LDHA: variants seen among roughly 807,000 people sequenced by gnomAD.
The protein encoded by LDHA is lactate dehydrogenase A.
LDHA carries 10 observed loss-of-function variants against 36.3 expected under a neutral mutation model. The ratio of observed to expected loss-of-function variants is 0.28; its 90% CI spans 0.17 to 0.47. The LOEUF is 0.47. Among genes scored for constraint, LDHA ranks in the 20% least tolerant of loss-of-function variants. LDHA has a pLI of 0.99. For synonymous variants in LDHA, 110 were observed against 136.7 expected (o/e 0.80, Z 1.36); for missense variants, 267 against 405.8 (o/e 0.66, Z 2.94).
At chr11:18,405,155 A>G (rs546578577) in intron 6 of LDHA, among the ~76,000 whole-genome samples, 9 of 152,232 alleles carry the variant, frequency 5.9e-5, no homozygotes, top group African/African-American at 2.2e-4. Context: ...AAGTAGCTAT[A>G]GTTTATTTTT....
intron 5 of LDHA, 136 bp downstream of exon 5, chr11:18,403,149 A>G (rs910263971): frequency 1.6e-5 from 12 of 736,864 alleles, no homozygotes; most frequent in Admixed American, 5.3e-5. Context: ...AGCATTTTGT[A>G]TAATTATATG....
chr11:18,402,751 C>A (rs932846988), intron 4 of LDHA, 89 bp from the exon 5 acceptor site: 3 of 981,854 alleles, frequency 3.1e-6, no homozygotes, highest in Admixed American at 3.4e-5. Context: ...CACCTAGTAT[C>A]TGGTTAAGTG....
At chr11:18,403,085 A>G (rs540909495) in intron 5 of LDHA, 72 bp downstream of exon 5, 7 of 1,251,130 alleles carry the variant, frequency 5.6e-6, no homozygotes, top group Non-Finnish European at 6.9e-6. Context: ...ATATTATTCA[A>G]TTAGAGCCTA....
Position 18,401,955 on chromosome 11 carries a change from C to CTCTCTTTTTTTTTTTTTTTTTTTTTTT in LDHA, c.419-884_419-883insCTCTTTTTTTTTTTTTTTTTTTTTTTT, listed in dbSNP as rs59534512. Among the ~76,000 whole-genome samples the CTCTCTTTTTTTTTTTTTTTTTTTTTTT allele has an allele frequency of 6.5e-4, 34 of 52,262 alleles. 8 individuals are homozygous for CTCTCTTTTTTTTTTTTTTTTTTTTTTT. Among genetic ancestry groups the CTCTCTTTTTTTTTTTTTTTTTTTTTTT allele is most frequent in the Non-Finnish European group, 1.1e-3 (29 of 26,540 alleles). 34.3% of individuals were successfully genotyped at this position (52,262 alleles called of 152,430 possible). On this transcript the variant is annotated intron_variant, in intron 4 of 7. Coordinates refer to ENST00000422447, the MANE Select transcript of LDHA (RefSeq NM_005566.4). Reference sequence around the variant, plus strand: ...TAAGTTTGTGAATAATTGTTATTCTCTTTTTTTTTTTTTTTTTTTTTGAGA... The same window carrying CTCTCTTTTTTTTTTTTTTTTTTTTTTT: ...TAAGTTTGTGAATAATTGTTATTCTCTCTCTTTTTTTTTTTTTTTTTTTTTTTTTTTTTTTTTTTTTTTTTTTTGAGA...
At chr11:18,397,587 G>C (rs1393287866) in intron 2 of LDHA, among the ~76,000 whole-genome samples, 1 of 152,142 alleles carries the variant, frequency 6.6e-6, no homozygotes, top group African/African-American at 2.4e-5. Context: ...TGAGGTGGGT[G>C]GATCACGAGG....
intron 1 of LDHA, 85 bp downstream of exon 1, chr11:18,394,721 G>GCGAAGGGATTCCTGCTCC (rs1866230124): frequency 4.5e-6 from 2 of 448,540 alleles, no homozygotes; most frequent in Admixed American, 2.4e-5. Context: ...TCCGCTGCTC[G>GCGAAGGGATTCCTGCTCC]CGAAGGGATT....
At chr11:18,399,728 TGGGACTATA>T in intron 3 of LDHA, 180 bp downstream of exon 3, 1 of 630,448 alleles carries the variant, frequency 1.6e-6, no homozygotes, top group Non-Finnish European at 2.9e-6. Context: ...ACAAAGAAAC[TGGGACTATA>T]GGGTATGCTA....
chr11:18,396,187 A>G (rs1411024048), intron 1 of LDHA: 1 of 215,250 alleles, frequency 4.6e-6, no homozygotes, highest in Non-Finnish European at 9.1e-6. Flanking sequence ...GGAGGCCGCT[A>G]GACTAATCGG....
At position 18,400,904 on chromosome 11, in the gene LDHA, A is replaced by G. The variant is rs530144337; in HGVS notation, c.312A>G (p.Glu104=). 1 of 1,613,404 alleles carries G rather than the reference A, an allele frequency of 6.2e-7. No individual in the cohort carries two copies. Among genetic ancestry groups the G allele is most frequent in the East Asian group, 2.2e-5 (1 of 44,874 alleles). ...CTGGGGCACGTCAGCAAGAGGGAGA[A>G]AGCCGTCTTAATTTGGTCCAGCGTA... The part of the protein sequence containing the change: ...ITAGARQQEG[E]SRLNLVQRNV... The change falls in exon 4 of 8, where the codon GAA becomes GAG. Residue 104 remains glutamate, a synonymous_variant. Coordinates refer to ENST00000422447, the MANE Select transcript of LDHA (RefSeq NM_005566.4).
intron 3 of LDHA, chr11:18,400,306 C>T (rs1010717639): frequency 1.9e-5 from 4 of 210,476 alleles, no homozygotes; most frequent in Non-Finnish European, 3.9e-5. Flanking sequence ...GGCCACCTTG[C>T]TGATGGGCAA....
At chr11:18,404,591 G>A (rs7947664) in intron 6 of LDHA, among the ~76,000 whole-genome samples, 1 of 151,492 alleles carries the variant, frequency 6.6e-6, no homozygotes, top group Non-Finnish European at 1.5e-5. Flanking sequence ...GGCAGATCAC[G>A]AGGTCAGGAG....
intron 7 of LDHA, chr11:18,405,857 G>T: frequency 8.6e-6 from 3 of 349,450 alleles, no homozygotes; most frequent in South Asian, 2.8e-5. Context: ...TTCTCCATTG[G>T]GGAAAATAGA....
intron 3 of LDHA, chr11:18,400,429 C>CCACA (rs6144241): frequency 3.1e-4 from 90 of 287,584 alleles, no homozygotes; most frequent in African/African-American, 1.9e-3. Context: ...ACCACCACCA[C>CCACA]CACACACACA....
At chr11:18,396,658 C>T in intron 1 of LDHA, 161 bp from the exon 2 acceptor site, 1 of 1,386,970 alleles carries the variant, frequency 7.2e-7, no homozygotes, top group South Asian at 1.6e-5. Flanking sequence ...CCTTTCAACT[C>T]TCTTTTGGCA....
In LDHA at chr11:18,407,115, A is replaced by G. The variant is rs1479230603; in HGVS notation, c.835-2A>G. ...ATTTTTTTTTTTTCATTTCATCTTC[A>G]GGGTCTTTACGGAATAAAGGATGAT... is the stretch of plus-strand genomic sequence containing the variant. On this transcript the variant is annotated splice_acceptor_variant, in intron 7 of 7. Coordinates refer to ENST00000422447, the MANE Select transcript of LDHA (RefSeq NM_005566.4). LOFTEE classifies it high-confidence loss of function. 1 of 1,552,638 alleles carries G rather than the reference A, an allele frequency of 6.4e-7. No individual in the cohort carries two copies. Among genetic ancestry groups the G allele is most frequent in the Non-Finnish European group, 8.7e-7 (1 of 1,144,124 alleles).
chr11:18,405,458 G>A lies in LDHA; in HGVS notation c.720G>A (p.Glu240=), dbSNP rs2134032830. Residue 240 remains glutamate, a synonymous_variant, in exon 7 of 8, where the codon GAG becomes GAA. Coordinates refer to ENST00000422447, the MANE Select transcript of LDHA (RefSeq NM_005566.4). The part of the protein sequence containing the change: ...VHKQVVESAY[E]VIKLKGYTSW... ...GTTTCCTATCATACAGTGCTTATGA[G>A]GTGATCAAACTCAAAGGCTACACAT... 6.2e-7 allele frequency: 1 copy of A among 1,613,190 alleles called. No homozygotes were observed.
chr11:18,400,292 C>A, intron 3 of LDHA: 1 of 208,240 alleles, frequency 4.8e-6, no homozygotes, highest in Non-Finnish European at 9.8e-6. Flanking sequence ...ACCTGAAAAT[C>A]ACTGGCCACC....
chr11:18,405,318 A>G, intron 6 of LDHA, 131 bp from the exon 7 acceptor site: 6 of 903,624 alleles, frequency 6.6e-6, no homozygotes, highest in African/African-American at 1.6e-5. Flanking sequence ...CATGTGTGCA[A>G]GGGTTATTCT....
intron 3 of LDHA, chr11:18,400,332 G>C (rs1866435601): frequency 8.5e-6 from 2 of 234,382 alleles, no homozygotes; most frequent in Non-Finnish European, 1.7e-5. Context: ...TTCATCACTG[G>C]TTTAACTCTC....
Sources: gnomAD v4.1 joint callset for allele counts (sites outside exome capture counted in the v4.1 genomes callset) on GRCh38, gnomAD v4.1.1 for gene constraint, MANE v1.5 for transcripts, NCBI Gene and HGNC (gene_info 2026-07-23, HGNC 2026-07-21) for gene names.